OAS3: variants seen among roughly 807,000 people sequenced by gnomAD.
The protein encoded by OAS3 is 2'-5'-oligoadenylate synthase 3.
In OAS3, 107 loss-of-function variants were observed where a neutral mutation model predicts 113.0. The observed-to-expected ratio is 0.95, with a 90% CI of 0.81 to 1.11. The LOEUF is 1.11. Ranked by LOEUF, OAS3 falls within the 50% of genes most tolerant of loss-of-function variation. The pLI, the probability that OAS3 is intolerant of heterozygous loss-of-function variation, is 0.00. For missense variants in OAS3, 1,258 were observed against 1,389.1 expected, an observed-to-expected ratio of 0.91 and a Z score of 1.50; for synonymous variants, 552 against 573.6, an observed-to-expected ratio of 0.96 and a Z score of 0.54.
At chr12:112,948,514 A>AC (rs2043754757) in intron 5 of OAS3, among the ~76,000 whole-genome samples, 1 of 151,290 alleles carries the variant, frequency 6.6e-6, no homozygotes, top group Admixed American at 6.6e-5. Context: ...AAAAAAAAAA[A>AC]AAAAAAAATG....
chr12:112,953,767 T>C (rs1244831323), intron 7 of OAS3, among the ~76,000 whole-genome samples: 2 of 152,244 alleles, frequency 1.3e-5, no homozygotes, highest in Non-Finnish European at 2.9e-5. Flanking sequence ...CATGTGTCTG[T>C]TGGCTGCATA....
intron 7 of OAS3, among the ~76,000 whole-genome samples, chr12:112,951,291 CAT>C (rs570447684): frequency 2.8e-4 from 42 of 152,118 alleles, no homozygotes; most frequent in African/African-American, 8.9e-4. Context: ...AGAAATTTCT[CAT>C]GTTATAATTT....
chr12:112,968,341 C>T (rs1175178898), intron 14 of OAS3, among the ~76,000 whole-genome samples, 167 bp downstream of exon 14: 1 of 152,126 alleles, frequency 6.6e-6, no homozygotes, highest in Non-Finnish European at 1.5e-5. Context: ...TTTCTGGTCA[C>T]CCAGGAATAG....
intron 6 of OAS3, among the ~76,000 whole-genome samples, chr12:112,949,479 C>T (rs998972457): frequency 7.9e-5 from 12 of 152,134 alleles, no homozygotes; most frequent in Admixed American, 5.2e-4. Context: ...GCCTCAAGTC[C>T]TACAGGATGG....
At chr12:112,968,433 C>T (rs1273016382) in intron 14 of OAS3, among the ~76,000 whole-genome samples, 5 of 152,132 alleles carry the variant, frequency 3.3e-5, no homozygotes, top group Non-Finnish European at 5.9e-5. Context: ...TAAGTATGCT[C>T]GATGCCATAT....
intron 4 of OAS3, 91 bp from the exon 5 acceptor site, chr12:112,947,855 G>T: frequency 8.3e-7 from 1 of 1,211,366 alleles, no homozygotes; most frequent in African/African-American, 1.6e-5. Context: ...TCACACAGCT[G>T]GAAAGTAGCA....
In OAS3 at chr12:112,962,671, G is replaced by C. The variant is rs754683728; in HGVS notation, c.1853G>C (p.Gly618Ala). The change falls in exon 9 of 16, where the codon GGA becomes GCA. Residue 618 changes from glycine to alanine, a missense_variant. Coordinates refer to ENST00000228928, the MANE Select transcript of OAS3 (RefSeq NM_006187.4). ...ACACAGGTTGCGGCTCAGAACAAAG[G>C]AAAAGGACCAGCCCCTGCCTCTCTG... ...WYRQVAAQNK[G>A]KGPAPASLPP... The C allele has an allele frequency of 1.1e-5, 18 of 1,613,836 alleles. No individual in the cohort carries two copies. The African/African-American group carries it at 2.1e-4, about 19-fold the overall frequency.
At chr12:112,940,751 C>T (rs912608741) in intron 1 of OAS3, among the ~76,000 whole-genome samples, 14 of 152,118 alleles carry the variant, frequency 9.2e-5, no homozygotes, top group African/African-American at 3.4e-4. Context: ...GCCTGTAATC[C>T]CAGCACTTTG....
intron 7 of OAS3, among the ~76,000 whole-genome samples, chr12:112,959,806 A>T (rs527977397): frequency 1.3e-5 from 2 of 152,042 alleles, no homozygotes; most frequent in East Asian, 3.8e-4. Flanking sequence ...TTAATTTTTT[A>T]AAATTTCAGT....
At chr12:112,967,817 T>A in intron 13 of OAS3, 119 bp from the exon 14 acceptor site, 1 of 1,224,626 alleles carries the variant, frequency 8.2e-7, no homozygotes, top group Non-Finnish European at 1.1e-6. Context: ...TGGCAAGGCA[T>A]CTGGCACATG....
rs2043911347 is a variant in OAS3, at chr12:112,963,947, G to C, written c.2230-288G>C. On this transcript the variant is annotated intron_variant, in intron 10 of 15. Coordinates refer to ENST00000228928, the MANE Select transcript of OAS3 (RefSeq NM_006187.4). This position sits in a 1 kb window ranked among gnomAD's most constrained non-coding sequence, Gnocchi z 4.6. ...ATTTTATCACATTTACTATTTTGCA[G>C]CAGGGTCTCATAACCAGCATTTAAT... is the stretch of plus-strand genomic sequence containing the variant. Among the ~76,000 whole-genome samples the C allele has an allele frequency of 6.6e-6, 1 of 152,174 alleles. No individual in the cohort carries two copies. The highest frequency in any genetic ancestry group is 1.5e-5 in the Non-Finnish European group (1 of 68,036).
intron 5 of OAS3, among the ~76,000 whole-genome samples, chr12:112,948,616 G>T (rs1311370926): frequency 6.6e-6 from 1 of 151,814 alleles, no homozygotes; most frequent in Non-Finnish European, 1.5e-5. Flanking sequence ...TGCAGCTATG[G>T]TCTGGTTACC....
At chr12:112,946,513 T>G (rs1156899338) in intron 3 of OAS3, among the ~76,000 whole-genome samples, 2 of 152,174 alleles carry the variant, frequency 1.3e-5, no homozygotes, top group Non-Finnish European at 2.9e-5. Context: ...TCCTTGGGAC[T>G]TGAAACTTAC....
chr12:112,952,831 A>AT (rs1565977839), intron 7 of OAS3, among the ~76,000 whole-genome samples: 2 of 152,028 alleles, frequency 1.3e-5, no homozygotes, highest in South Asian at 2.1e-4. Flanking sequence ...TCAGTTATTG[A>AT]TTTTTTGTTG....
rs1163519715 is a variant in OAS3, at chr12:112,970,654, G to C, written c.*681G>C. On this transcript the variant is annotated 3_prime_UTR_variant, in exon 16 of 16. Transcript: ENST00000228928. ...GTGCTTGCAGGTTTACAGTGTATAT[G>C]TGGGCTATTGAAGAGCCCTCTGAGC... The C allele has an allele frequency of 1.3e-5, 2 of 153,324 alleles. No individual in the cohort carries two copies. The highest frequency in any genetic ancestry group is 2.4e-5 in the African/African-American group (1 of 41,460). 9.5% of individuals were successfully genotyped at this position (153,324 alleles called of 1,614,324 possible).
chr12:112,961,048 C>A, intron 7 of OAS3, 23 bp from the exon 8 acceptor site: 1 of 1,610,496 alleles, frequency 6.2e-7, no homozygotes. Context: ...GTTGCACACT[C>A]AGGGTGTTTC....
At chr12:112,950,143 C>G (rs2043775663) in intron 6 of OAS3, among the ~76,000 whole-genome samples, 1 of 152,230 alleles carries the variant, frequency 6.6e-6, no homozygotes, top group Non-Finnish European at 1.5e-5. Context: ...TTCCCTCCCC[C>G]AGCCAGCATG....
In OAS3 at chr12:112,964,268, C is replaced by A. The variant is rs754669964; in HGVS notation, c.2263C>A (p.Leu755Ile). Residue 755 changes from leucine (L) to isoleucine (I), a missense_variant, in exon 11 of 16, where the codon CTT (leucine) becomes ATT (isoleucine). By Grantham distance (5) the Leu-to-Ile change is conservative. Coordinates refer to ENST00000228928, the MANE Select transcript of OAS3 (RefSeq NM_006187.4). ...ALLYQTPAGD[L>I]DKFISEFLQP... is the part of the protein sequence containing the mutation. ...CCTTTACCAAACCCCAGCTGGGGAC[C>A]TTGACAAGTTCATCAGTGAATTTCT... 2 of 1,601,192 alleles carry A rather than the reference C, an allele frequency of 1.2e-6. No individual in the cohort carries two copies. Among genetic ancestry groups the A allele is most frequent in the Admixed American group, 1.7e-5 (1 of 58,596 alleles).
intron 1 of OAS3, among the ~76,000 whole-genome samples, chr12:112,940,673 T>C (rs1447912222): frequency 2.0e-5 from 3 of 152,244 alleles, no homozygotes; most frequent in Non-Finnish European, 4.4e-5. Flanking sequence ...ACCTGCGGTC[T>C]TGAGTTTTTA....
Sources: allele counts gnomAD v4.1 joint callset (sites outside exome capture counted in the v4.1 genomes callset), GRCh38; gene constraint gnomAD v4.1.1; non-coding constraint Gnocchi (gnomAD v3.1); transcripts MANE v1.5; gene names NCBI Gene and HGNC (gene_info 2026-07-23, HGNC 2026-07-21).